The following CPLX2 variants were observed in gnomAD, a reference collection of about 807,000 sequenced individuals.
CPLX2 encodes complexin 2.
Under a neutral mutation model 16.3 loss-of-function variants are expected in CPLX2, and 5 were observed. The observed-to-expected ratio is 0.31, with a 90% CI of 0.16 to 0.64. CPLX2 has a LOEUF of 0.64. CPLX2 is among the 30% of genes least tolerant of loss of function. The pLI is 0.79. For synonymous variants in CPLX2, 89 were observed against 73.2 expected (o/e 1.22, Z -1.10); for missense variants, 144 against 181.4 (o/e 0.79, Z 1.18).
At chr5:175,859,367 T>C (rs1213031345) in intron 2 of CPLX2, among the ~76,000 whole-genome samples, 1 of 152,204 alleles carries the variant, frequency 6.6e-6, no homozygotes, top group Admixed American at 6.5e-5. Context: ...ACTGGCAAGA[T>C]GCTTGATGAT....
In CPLX2 at chr5:175,879,019, G is replaced by GT; in HGVS notation, c.144dup (p.Lys49Ter). The GT allele has an allele frequency of 6.3e-7, 1 of 1,595,044 alleles. No individual in the cohort carries two copies. Among genetic ancestry groups the GT allele is most frequent in the Non-Finnish European group, 8.5e-7 (1 of 1,171,246 alleles). On this transcript the variant is annotated frameshift_variant, in exon 3 of 4. Coordinates refer to ENST00000393745, the MANE Select transcript of CPLX2 (RefSeq NM_001008220.2). LOFTEE classifies it high-confidence loss of function. ...GCGCTGCGGCAGCAGGAGGAGGAGC[G>GT]TAAGGCCAAGCACGCGCGCATGGAG...
At position 175,827,757 on chromosome 5, in the gene CPLX2, C is replaced by CAATA. The variant is rs570632804; in HGVS notation, c.-89+18708_-89+18711dup. 7.8e-4 allele frequency among the ~76,000 whole-genome samples: 119 copies of CAATA among 152,126 alleles called. 1 individual carries two copies. In the East Asian group the frequency reaches 0.01, roughly 13 times the overall value. Reference sequence around the variant, plus strand: ...CCTGAGTGACAGTGAGACTCCGTCTCAATAAATAAATAAATAAATAAAGTC... The same window carrying CAATA: ...CCTGAGTGACAGTGAGACTCCGTCTCAATAAATAAATAAATAAATAAATAAAGTC... On this transcript the variant is annotated intron_variant, in intron 2 of 4. Coordinates refer to the CPLX2 transcript ENST00000359546.
At position 175,880,189 on chromosome 5, in the gene CPLX2, C is replaced by T. The variant is rs1044834105; in HGVS notation, c.*144C>T. On this transcript the variant is annotated 3_prime_UTR_variant, in exon 4 of 4. Transcript: ENST00000393745. ...CTTCCCTGGCCAGGGGCTTCTCCCC[C>T]TCAGCTCTCCCTCACACCTCCCTTC... 18 of 835,900 alleles carry T rather than the reference C, an allele frequency of 2.2e-5. No homozygotes were observed. Among genetic ancestry groups the T allele is most frequent in the Non-Finnish European group, 3.6e-5 (18 of 494,794 alleles). The allele number at this position is 835,900 out of a possible 1,614,324, so 51.8% of individuals were successfully genotyped here. A position where few individuals can be genotyped will look rare whatever the true frequency, so the allele number is the denominator to read the frequency against.
In CPLX2 at chr5:175,797,995, A is replaced by G. The variant is rs151277235; in HGVS notation, c.-169+1211A>G. On this transcript the variant is annotated intron_variant, in intron 1 of 4. Coordinates refer to the CPLX2 transcript ENST00000359546. ...TCACTGATTGTCTCCGCGGAAGACA[A>G]GGCCTAGGGGGCAGGGGTGATTCGC... Among the ~76,000 whole-genome samples, 67 of 152,282 alleles carry G rather than the reference A, an allele frequency of 4.4e-4. 1 individual carries two copies. The highest frequency in any genetic ancestry group is 1.5e-3 in the African/African-American group (61 of 41,552).
At position 175,800,543 on chromosome 5, in the gene CPLX2, C is replaced by T. The variant is rs1758073661; in HGVS notation, c.-169+3759C>T. 6.6e-5 allele frequency among the ~76,000 whole-genome samples: 10 copies of T among 151,520 alleles called. No individual in the cohort carries two copies. In the South Asian group the frequency reaches 2.1e-3, roughly 32 times the overall value. On this transcript the variant is annotated intron_variant, in intron 1 of 4. Transcript: ENST00000359546. ...AGTGTGATTGCAGTCCAGACATAGA[C>T]AAGTGATCAAGATAGGGCATCCCAG...
chr5:175,843,435 G>A (rs1758983229), intron 2 of CPLX2, among the ~76,000 whole-genome samples: 1 of 151,944 alleles, frequency 6.6e-6, no homozygotes. Flanking sequence ...CATACACCAG[G>A]CACACATGTG....
intron 2 of CPLX2, among the ~76,000 whole-genome samples, chr5:175,838,333 T>C (rs1368845811): frequency 6.8e-6 from 1 of 146,808 alleles, no homozygotes; most frequent in African/African-American, 2.5e-5. Flanking sequence ...AGTGGCACGA[T>C]CTCGGCTCAC....
intron 2 of CPLX2, among the ~76,000 whole-genome samples, chr5:175,853,159 T>A (rs1230304186): frequency 1.3e-5 from 2 of 152,242 alleles, no homozygotes; most frequent in African/African-American, 2.4e-5. Flanking sequence ...GTTTCTTTTT[T>A]AAATAAATGC....
At chr5:175,844,689 C>G (rs1759009435) in intron 2 of CPLX2, among the ~76,000 whole-genome samples, 1 of 152,236 alleles carries the variant, frequency 6.6e-6, no homozygotes, top group South Asian at 2.1e-4. Context: ...GGGCCGGAGG[C>G]TGGCGGAGCT....
At chr5:175,866,374 A>G (rs1300033324) in intron 2 of CPLX2, among the ~76,000 whole-genome samples, 1 of 152,248 alleles carries the variant, frequency 6.6e-6, no homozygotes, top group Non-Finnish European at 1.5e-5. Context: ...TGGAAAAAGA[A>G]CCAGAGGCAA....
chr5:175,839,565 C>A lies in CPLX2; in HGVS notation c.-89+30497C>A, dbSNP rs190422618. On this transcript the variant is annotated intron_variant, in intron 2 of 4. Coordinates refer to the CPLX2 transcript ENST00000359546. ...CTCTCAAAAGTGCTAGGATTACAGG[C>A]GTGAGCCACCTCATCCGGCCTCAAC... is the stretch of plus-strand genomic sequence containing the variant. Among the ~76,000 whole-genome samples the A allele has an allele frequency of 7.2e-5, 11 of 152,336 alleles. No homozygotes were observed. The East Asian group carries it at 2.1e-3, about 29-fold the overall frequency.
intron 2 of CPLX2, among the ~76,000 whole-genome samples, chr5:175,846,880 G>T (rs1017022218): frequency 1.3e-5 from 2 of 152,242 alleles, no homozygotes; most frequent in Admixed American, 6.5e-5. Context: ...ACTCCATCCT[G>T]CAGGCCTAGC....
At position 175,846,988 on chromosome 5, in the gene CPLX2, T is replaced by C. The variant is rs151319379; in HGVS notation, c.-88-31664T>C. Among the ~76,000 whole-genome samples, 176 of 152,282 alleles carry C rather than the reference T, an allele frequency of 1.2e-3. 1 individual carries two copies. Among genetic ancestry groups the C allele is most frequent in the African/African-American group, 3.9e-3 (164 of 41,554 alleles). The stretch of plus-strand genomic sequence containing the variant: ...CTCTCTGAACCTCGGCCTCCTCATA[T>C]GTAGTGCAGGGAGGCTACTTCTCCT... On this transcript the variant is annotated intron_variant, in intron 2 of 4. Transcript: ENST00000359546.
intron 2 of CPLX2, among the ~76,000 whole-genome samples, chr5:175,863,099 G>C (rs1056771968): frequency 1.4e-4 from 22 of 152,222 alleles, no homozygotes; most frequent in African/African-American, 4.8e-4. Flanking sequence ...GCTGAGCCAA[G>C]CTGACTGGAA....
At chr5:175,856,532 C>A (rs1009837213) in intron 2 of CPLX2, among the ~76,000 whole-genome samples, 2 of 152,146 alleles carry the variant, frequency 1.3e-5, no homozygotes, top group Admixed American at 1.3e-4. Context: ...AACCCAGCAG[C>A]CCAAGTGGAA....
intron 2 of CPLX2, among the ~76,000 whole-genome samples, chr5:175,852,014 T>G (rs919237): frequency 0.096 from 14,644 of 152,254 alleles, 2,336 homozygotes; most frequent in African/African-American, 0.33. Flanking sequence ...CAGCAATGAT[T>G]CCAGCTAAAA....
Position 175,880,447 on chromosome 5 carries a change from C to T in CPLX2, c.*402C>T, listed in dbSNP as rs1370151576. 3 of 309,446 alleles carry T rather than the reference C, an allele frequency of 9.7e-6. No homozygotes were observed. Among genetic ancestry groups the T allele is most frequent in the African/African-American group, 6.6e-5 (3 of 45,652 alleles). The allele number at this position is 309,446 out of a possible 1,614,324, so 19.2% of individuals were successfully genotyped here. On this transcript the variant is annotated 3_prime_UTR_variant, in exon 4 of 4. Transcript: ENST00000393745. Reference sequence around the variant, plus strand: ...ATGCTGACCTTTGGCCTCTAACCCTCAGTGGGCCCCCAGGTCAGGGCAGGG... The same window carrying T: ...ATGCTGACCTTTGGCCTCTAACCCTTAGTGGGCCCCCAGGTCAGGGCAGGG...
Position 175,877,074 on chromosome 5 carries a change from G to A in CPLX2, c.-88-1578G>A, listed in dbSNP as rs557382291. 2.9e-4 allele frequency among the ~76,000 whole-genome samples: 44 copies of A among 152,166 alleles called. No homozygotes were observed. The East Asian group carries it at 3.5e-3, about 12-fold the overall frequency. On this transcript the variant is annotated intron_variant, in intron 1 of 3. Coordinates refer to ENST00000393745, the MANE Select transcript of CPLX2 (RefSeq NM_001008220.2). ...CGGTATCATTCATTCTCCTTCAAAC[G>A]TCCATTCAAGGGCAACCTTAATACT...
At position 175,841,012 on chromosome 5, in the gene CPLX2, G is replaced by C. The variant is rs538401059; in HGVS notation, c.-89+31944G>C. On this transcript the variant is annotated intron_variant, in intron 2 of 4. Coordinates refer to the CPLX2 transcript ENST00000359546. The stretch of plus-strand genomic sequence containing the variant: ...TCACCAGCCTCCCACACCACAGTTG[G>C]GGAAACTGAGATTTGAACTGAGAAC... Among the ~76,000 whole-genome samples, 3 of 152,260 alleles carry C rather than the reference G, an allele frequency of 2.0e-5. No individual in the cohort carries two copies. In the South Asian group the frequency reaches 6.2e-4, roughly 32 times the overall value.
Sources: gnomAD v4.1 joint callset for allele counts (sites outside exome capture counted in the v4.1 genomes callset) on GRCh38, gnomAD v4.1.1 for gene constraint, MANE v1.5 for transcripts, NCBI Gene and HGNC (gene_info 2026-07-23, HGNC 2026-07-21) for gene names.